Variants in BMPR2 observed in about 807,000 individuals in gnomAD.
BMPR2 encodes bone morphogenetic protein receptor type 2, also known as bone morphogenetic protein receptor type-2.
In BMPR2, 29 loss-of-function variants were observed where a neutral mutation model predicts 100.8. The observed-to-expected ratio is 0.29, with a 90% CI of 0.21 to 0.39. BMPR2 has a LOEUF of 0.39. BMPR2 is among the 10% of genes least tolerant of loss of function. BMPR2 has a pLI of 1.00. For missense variants in BMPR2, 1,011 were observed against 1,274.5 expected (o/e 0.79, Z 3.15); for synonymous variants, 382 against 442.3 (o/e 0.86, Z 1.71).
chr2:202,501,175 C>G (rs1379262136), intron 3 of BMPR2, among the ~76,000 whole-genome samples: 2 of 152,138 alleles, frequency 1.3e-5, no homozygotes, highest in African/African-American at 4.8e-5. Flanking sequence ...AATATCTAGG[C>G]CTAATCTTAG....
At chr2:202,530,690 A>G (rs896158710) in intron 7 of BMPR2, 104 bp from the exon 8 acceptor site, 1 of 1,060,874 alleles carries the variant, frequency 9.4e-7, no homozygotes, top group Non-Finnish European at 1.3e-6. Flanking sequence ...TTATTAGAAA[A>G]TTAATGGGCA....
At chr2:202,461,556 AT>A (rs1392879336) in intron 1 of BMPR2, among the ~76,000 whole-genome samples, 1 of 152,230 alleles carries the variant, frequency 6.6e-6, no homozygotes, top group Non-Finnish European at 1.5e-5. Flanking sequence ...AGCATGTGTA[AT>A]TAGTCTAACC....
intron 1 of BMPR2, among the ~76,000 whole-genome samples, chr2:202,460,406 A>G (rs1692203534): frequency 6.6e-6 from 1 of 152,220 alleles, no homozygotes; most frequent in Non-Finnish European, 1.5e-5. Flanking sequence ...ATTTTTTGGC[A>G]TTTGACATTA....
At chr2:202,433,821 T>G (rs530791226) in intron 1 of BMPR2, among the ~76,000 whole-genome samples, 3 of 150,430 alleles carry the variant, frequency 2.0e-5, no homozygotes, top group Non-Finnish European at 2.9e-5. Flanking sequence ...GCCAGGAGAA[T>G]TGCTTGAACC....
Position 202,525,732 on chromosome 2 carries a change from G to A in BMPR2, c.968-5062G>A, listed in dbSNP as rs558272772. On this transcript the variant is annotated intron_variant, in intron 7 of 12. Coordinates refer to ENST00000374580, the MANE Select transcript of BMPR2 (RefSeq NM_001204.7). ...AATATTGGGTTCTGTTACTAGGTAG[G>A]AAGAGAAGAATACATTGTGGGGATC... Among the ~76,000 whole-genome samples the A allele has an allele frequency of 2.0e-5, 3 of 152,200 alleles. No homozygotes were observed. The South Asian group carries it at 6.2e-4, about 32-fold the overall frequency.
intron 1 of BMPR2, among the ~76,000 whole-genome samples, chr2:202,436,388 G>A (rs1191089629): frequency 6.7e-6 from 1 of 150,290 alleles, no homozygotes; most frequent in South Asian, 2.1e-4. Context: ...TGAGGCTGCA[G>A]TGAGCCCTGA....
chr2:202,531,131 C>T (rs544552467), intron 8 of BMPR2, among the ~76,000 whole-genome samples, 177 bp downstream of exon 8: 73 of 152,228 alleles, frequency 4.8e-4, no homozygotes, highest in Non-Finnish European at 8.4e-4. Flanking sequence ...GGCGAAACCC[C>T]GTCTCTACTA....
intron 1 of BMPR2, among the ~76,000 whole-genome samples, chr2:202,447,669 GACCCTGTCTCACAT>G (rs1018908085): frequency 2.0e-5 from 3 of 150,712 alleles, no homozygotes; most frequent in African/African-American, 7.5e-5. Flanking sequence ...GACAGAGCAA[GACCCTGTCTCACAT>G]ACACAAGAAG....
At chr2:202,542,492 A>G (rs1439963290) in intron 10 of BMPR2, 45 bp downstream of exon 10, 1 of 1,602,500 alleles carries the variant, frequency 6.2e-7, no homozygotes, top group South Asian at 1.1e-5. Flanking sequence ...ATGACTGAAT[A>G]TGTTTTAATG....
At chr2:202,474,178 G>A (rs574743084) in intron 3 of BMPR2, among the ~76,000 whole-genome samples, 34 of 150,742 alleles carry the variant, frequency 2.3e-4, no homozygotes, top group South Asian at 6.3e-4. Flanking sequence ...GTGGATCGCC[G>A]GGCACGGTGG....
chr2:202,520,065 T>C (rs538890075), intron 6 of BMPR2, 22 bp from the exon 7 acceptor site: 625 of 1,485,536 alleles, frequency 4.2e-4, no homozygotes, highest in Middle Eastern at 8.6e-4. Flanking sequence ...TTTTTTTTTT[T>C]CGCATTTTTT....
intron 4 of BMPR2, among the ~76,000 whole-genome samples, chr2:202,514,379 G>A (rs944132876): frequency 5.9e-5 from 9 of 152,046 alleles, no homozygotes; most frequent in Non-Finnish European, 1.2e-4. Context: ...CTCGTGATCC[G>A]CCCGCCTTGG....
rs185603349 is a variant in BMPR2, at chr2:202,466,734, G to T, written c.248-785G>T. Among the ~76,000 whole-genome samples the T allele has an allele frequency of 2.3e-3, 346 of 151,888 alleles. 1 individual carries two copies. The highest frequency in any genetic ancestry group is 7.8e-3 in the African/African-American group (325 of 41,436). ...TCAAGCAATCCCCCCAAGTCAGTAG[G>T]ACCACAACTAGGCACCACCATTCCC... On this transcript the variant is annotated intron_variant, in intron 2 of 12. Coordinates refer to ENST00000374580, the MANE Select transcript of BMPR2 (RefSeq NM_001204.7).
chr2:202,531,708 C>G (rs1574494124), intron 8 of BMPR2, among the ~76,000 whole-genome samples: 1 of 151,512 alleles, frequency 6.6e-6, no homozygotes. Context: ...CTCAGCCCAC[C>G]GCAACCTCTG....
rs988540146 is a variant in BMPR2, at chr2:202,543,449, A to AT, written c.1413+1009dup. ...GAAGTTTATTTTTTTACTTAAACACATTTTTTTAATGTCAGTACCTCTAGA... is the reference window on the plus strand; with the variant it reads ...GAAGTTTATTTTTTTACTTAAACACATTTTTTTTAATGTCAGTACCTCTAGA... On this transcript the variant is annotated intron_variant, in intron 10 of 12. Transcript: ENST00000374580. Among the ~76,000 whole-genome samples the AT allele has an allele frequency of 6.5e-4, 98 of 151,362 alleles. 1 individual carries two copies. Among genetic ancestry groups the AT allele is most frequent in the African/African-American group, 2.2e-3 (92 of 41,324 alleles).
At chr2:202,418,319 A>T (rs1235747343) in intron 1 of BMPR2, among the ~76,000 whole-genome samples, 1 of 152,214 alleles carries the variant, frequency 6.6e-6, no homozygotes, top group African/African-American at 2.4e-5. Flanking sequence ...GCAGATTAAA[A>T]ATCTCTTTTT....
chr2:202,541,822 A>G (rs1484071957), intron 9 of BMPR2, among the ~76,000 whole-genome samples: 1 of 152,188 alleles, frequency 6.6e-6, no homozygotes, highest in African/African-American at 2.4e-5. Context: ...TTCATTAATA[A>G]TGCATTAGAC....
At chr2:202,520,907 G>A (rs557085048) in intron 7 of BMPR2, 2 of 153,984 alleles carry the variant, frequency 1.3e-5, no homozygotes, top group South Asian at 2.0e-4. Flanking sequence ...CAGCTCATGA[G>A]GCTATAGGAA....
At chr2:202,392,920 A>G (rs1690578496) in intron 1 of BMPR2, among the ~76,000 whole-genome samples, 1 of 148,002 alleles carries the variant, frequency 6.8e-6, no homozygotes, top group South Asian at 2.2e-4. Flanking sequence ...TGAACCCAGG[A>G]GGCGGAGGTT....
Sources: allele counts gnomAD v4.1 joint callset (sites outside exome capture counted in the v4.1 genomes callset), GRCh38; gene constraint gnomAD v4.1.1; transcripts MANE v1.5; gene names NCBI Gene and HGNC (gene_info 2026-07-23, HGNC 2026-07-21).